SEMA7A: variants seen among roughly 807,000 people sequenced by gnomAD.
SEMA7A encodes the protein semaphorin 7A (JohnMiltonHagen blood group).
Under a neutral mutation model 67.5 loss-of-function variants are expected in SEMA7A, and 21 were observed. That is an observed-to-expected ratio of 0.31 (90% confidence interval 0.22 to 0.45). The LOEUF (loss-of-function observed/expected upper bound fraction) is 0.45. SEMA7A is among the 20% of genes least tolerant of loss of function. The pLI is 1.00. For synonymous variants in SEMA7A, 364 were observed against 368.5 expected (o/e 0.99, Z 0.14); for missense variants, 774 against 908.6 (o/e 0.85, Z 1.90).
At chr15:74,431,251 C>A (rs778736838) in intron 1 of SEMA7A, among the ~76,000 whole-genome samples, 3 of 152,178 alleles carry the variant, frequency 2.0e-5, no homozygotes, top group Non-Finnish European at 2.9e-5. Context: ...CTGGCAGGCT[C>A]TAAGGGTCAA....
At chr15:74,427,042 C>A in intron 1 of SEMA7A, 1 of 198,828 alleles carries the variant, frequency 5.0e-6, no homozygotes, top group Non-Finnish European at 9.0e-6. Context: ...CTGGATTGAC[C>A]TTCCTCCTTT....
chr15:74,429,232 G>A (rs1433003293), intron 1 of SEMA7A, among the ~76,000 whole-genome samples: 1 of 152,046 alleles, frequency 6.6e-6, no homozygotes, highest in African/African-American at 2.4e-5. Context: ...GTGTGAAGCT[G>A]GGGGTGGACA....
In SEMA7A at chr15:74,410,010, A is replaced by C. The variant is rs2060886022; in HGVS notation, c.*614T>G. On this transcript the variant is annotated 3_prime_UTR_variant, in exon 14 of 14. Coordinates refer to ENST00000261918, the MANE Select transcript of SEMA7A (RefSeq NM_003612.5). The surrounding 1 kb of genome is among the most constrained non-coding windows in gnomAD (Gnocchi z 7.5). The stretch of plus-strand genomic sequence containing the variant: ...GTCGGAAGTAGCTATACATGAAATA[A>C]GCCTAACATAAAAATAGAGCTTTTT... 1.3e-5 allele frequency: 2 copies of C among 150,924 alleles called. No homozygotes were observed. The highest frequency in any genetic ancestry group is 2.9e-5 in the Non-Finnish European group (2 of 67,814). 9.3% of individuals were successfully genotyped at this position (150,924 alleles called of 1,614,324 possible).
intron 1 of SEMA7A, among the ~76,000 whole-genome samples, chr15:74,430,388 G>A (rs2061078524): frequency 6.6e-6 from 1 of 152,142 alleles, no homozygotes; most frequent in Admixed American, 6.5e-5. Context: ...TTAAATCTCA[G>A]AAAAGGATGA....
At chr15:74,422,578 G>A (rs1471462742) in intron 1 of SEMA7A, among the ~76,000 whole-genome samples, 3 of 152,184 alleles carry the variant, frequency 2.0e-5, no homozygotes, top group Non-Finnish European at 2.9e-5. Context: ...ATTTCTCATG[G>A]TGGCAGGGCC....
intron 10 of SEMA7A, among the ~76,000 whole-genome samples, chr15:74,412,383 C>G (rs1166393491): frequency 6.6e-6 from 1 of 152,172 alleles, no homozygotes; most frequent in Non-Finnish European, 1.5e-5. Context: ...ATCTTCCCCA[C>G]TCCACAGATA....
intron 8 of SEMA7A, among the ~76,000 whole-genome samples, chr15:74,415,262 C>T (rs2060938556): frequency 1.3e-5 from 2 of 152,066 alleles, no homozygotes; most frequent in African/African-American, 4.8e-5. Flanking sequence ...TGCTGATGCC[C>T]CAGGAGGCCA....
At position 74,417,655 on chromosome 15, in the gene SEMA7A, T is replaced by C. The variant is rs747663301; in HGVS notation, c.486A>G (p.Pro162=). ...CWNLVNGTVV[P]LGEMRGYAPF... ...GGGCGTAGCCTCTCATCTCGCCAAG[T>C]GGCACCACAGTGCCATTCACCTGTG... The change falls in exon 5 of 14, where the codon CCA becomes CCG. Residue 162 remains proline (P), a synonymous_variant. Coordinates refer to ENST00000261918, the MANE Select transcript of SEMA7A (RefSeq NM_003612.5). The C allele has an allele frequency of 1.2e-6, 2 of 1,612,088 alleles. No individual in the cohort carries two copies. Among genetic ancestry groups the C allele is most frequent in the Admixed American group, 1.7e-5 (1 of 59,960 alleles).
At position 74,414,927 on chromosome 15, in the gene SEMA7A, C is replaced by A; in HGVS notation, c.1006G>T (p.Val336Leu). The change falls in exon 9 of 14, where the codon GTG becomes TTG. Residue 336 changes from valine to leucine, a missense_variant. Around this residue, in one of 2 missense-constraint regions of SEMA7A, gnomAD observed 427 missense variants for 555.4 expected, o/e 0.77. Coordinates refer to ENST00000261918, the MANE Select transcript of SEMA7A (RefSeq NM_003612.5). This position sits in a 1 kb window ranked among gnomAD's most constrained non-coding sequence, Gnocchi z 4.1. ...SNPWNYSAVC[V>L]YSLGDIDKVF... is the part of the protein sequence containing the mutation. ...TTGTCAATGTCACCGAGGGAATACACACAGACGGCTGAGTAGTTCCTGCAG... is the reference window on the plus strand; with the variant it reads ...TTGTCAATGTCACCGAGGGAATACAAACAGACGGCTGAGTAGTTCCTGCAG... 6.2e-7 allele frequency: 1 copy of A among 1,614,126 alleles called. No homozygotes were observed. The highest frequency in any genetic ancestry group is 8.5e-7 in the Non-Finnish European group (1 of 1,179,998).
intron 5 of SEMA7A, 33 bp downstream of exon 5, chr15:74,417,558 C>T: frequency 3.1e-6 from 5 of 1,597,758 alleles, no homozygotes; most frequent in Non-Finnish European, 4.3e-6. Context: ...TCAGAAGCAT[C>T]CCCCTGGGGC....
intron 3 of SEMA7A, 105 bp downstream of exon 3, chr15:74,418,163 T>A: frequency 7.9e-7 from 1 of 1,262,700 alleles, no homozygotes; most frequent in Non-Finnish European, 1.2e-6. Context: ...TCCCCATCAG[T>A]CTGGGACTCG....
chr15:74,430,699 C>T (rs1373235376), intron 1 of SEMA7A, among the ~76,000 whole-genome samples: 1 of 152,220 alleles, frequency 6.6e-6, no homozygotes, highest in Non-Finnish European at 1.5e-5. Flanking sequence ...GGAATTGCCC[C>T]CCCACCATGA....
At chr15:74,419,524 C>G (rs1464193105) in intron 1 of SEMA7A, among the ~76,000 whole-genome samples, 1 of 152,208 alleles carries the variant, frequency 6.6e-6, no homozygotes. Flanking sequence ...TCCCCAGCCC[C>G]TTAGTGAGCA....
intron 5 of SEMA7A, 31 bp downstream of exon 5, chr15:74,417,560 C>A: frequency 6.2e-7 from 1 of 1,600,940 alleles, no homozygotes; most frequent in Non-Finnish European, 8.5e-7. Context: ...AGAAGCATCC[C>A]CCTGGGGCGC....
In SEMA7A at chr15:74,410,718, A is replaced by G. The variant is rs770811996; in HGVS notation, c.1907T>C (p.Met636Thr). The G allele has an allele frequency of 6.2e-7, 1 of 1,613,800 alleles. No homozygotes were observed. The highest frequency in any genetic ancestry group is 8.5e-7 in the Non-Finnish European group (1 of 1,179,968). Reference sequence around the variant, plus strand: ...GGCATGACCCAGCAGGTGCTCGGCCATGATGCCGTCCTCGGGCAGCAGCTG... The same window carrying G: ...GGCATGACCCAGCAGGTGCTCGGCCGTGATGCCGTCCTCGGGCAGCAGCTG... ...HWQLLPEDGIMAEHLLGHACA... is the reference protein window; with the variant it reads ...HWQLLPEDGITAEHLLGHACA... Residue 636 changes from methionine (M) to threonine (T), a missense_variant, in exon 14 of 14, where the codon ATG becomes ACG. By Grantham distance (81) the Met-to-Thr change is moderately conservative (BLOSUM62 -1). Around this residue, in one of 2 missense-constraint regions of SEMA7A, gnomAD observed 427 missense variants for 555.4 expected, o/e 0.77. Coordinates refer to ENST00000261918, the MANE Select transcript of SEMA7A (RefSeq NM_003612.5). The surrounding 1 kb of genome is among the most constrained non-coding windows in gnomAD (Gnocchi z 7.5).
rs1321616189 is a variant in SEMA7A, at chr15:74,415,694, C to T, written c.986+107G>A. 4.3e-6 allele frequency: 5 copies of T among 1,153,330 alleles called. No homozygotes were observed. In the African/African-American group the frequency reaches 6.2e-5, roughly 14 times the overall value. 71.4% of individuals were successfully genotyped at this position (1,153,330 alleles called of 1,614,324 possible). On this transcript the variant is annotated intron_variant, in intron 8 of 13. Coordinates refer to ENST00000261918, the MANE Select transcript of SEMA7A (RefSeq NM_003612.5). ...CAGCCCAGCCTCTTGAGCCTGCAGCCCCTGCTCCTGCCACACCAGGGAGGC... is the reference window on the plus strand; with the variant it reads ...CAGCCCAGCCTCTTGAGCCTGCAGCTCCTGCTCCTGCCACACCAGGGAGGC...
At chr15:74,430,558 C>T (rs1010969229) in intron 1 of SEMA7A, among the ~76,000 whole-genome samples, 2 of 152,214 alleles carry the variant, frequency 1.3e-5, no homozygotes, top group African/African-American at 4.8e-5. Flanking sequence ...CCTGTGCCAG[C>T]GTCCATTCCA....
chr15:74,422,424 G>A (rs903218788), intron 1 of SEMA7A, among the ~76,000 whole-genome samples: 1 of 152,114 alleles, frequency 6.6e-6, no homozygotes, highest in African/African-American at 2.4e-5. Flanking sequence ...ATATGGGGAG[G>A]GCATAGCCCA....
At position 74,417,583 on chromosome 15, in the gene SEMA7A, T is replaced by C; in HGVS notation, c.550+8A>G. 1 of 1,611,452 alleles carries C rather than the reference T, an allele frequency of 6.2e-7. No homozygotes were observed. The highest frequency in any genetic ancestry group is 1.1e-5 in the South Asian group (1 of 90,896). Reference sequence around the variant, plus strand: ...CCCCCTGGGGCGCCTGCTCCAGCACTGCCCTACCTTCAAACAGAACCAGGG... The same window carrying C: ...CCCCCTGGGGCGCCTGCTCCAGCACCGCCCTACCTTCAAACAGAACCAGGG... On this transcript the variant is annotated splice_region_variant and intron_variant, in intron 5 of 13. Coordinates refer to ENST00000261918, the MANE Select transcript of SEMA7A (RefSeq NM_003612.5).
Sources: allele counts gnomAD v4.1 joint callset (sites outside exome capture counted in the v4.1 genomes callset), GRCh38; gene constraint gnomAD v4.1.1; regional missense constraint gnomAD v4.1.1; non-coding constraint Gnocchi (gnomAD v3.1); transcripts MANE v1.5; gene names NCBI Gene and HGNC (gene_info 2026-07-23, HGNC 2026-07-21).